The following FABP7 variants were observed in gnomAD, a reference collection of about 807,000 sequenced individuals.
FABP7 encodes the protein fatty acid binding protein 7, also known as fatty acid-binding protein, brain.
Under a neutral mutation model 14.2 loss-of-function variants are expected in FABP7, and 13 were observed. That is an observed-to-expected ratio of 0.91 (90% CI 0.59 to 1.45). FABP7 has a LOEUF of 1.45. Among genes scored for constraint, FABP7 ranks in the 40% most tolerant of loss-of-function variants. The probability of loss-of-function intolerance (pLI) is 0.00; values close to 1 mark genes in which losing one functional copy is unlikely to be tolerated. For missense variants in FABP7, 149 were observed against 157.6 expected (o/e 0.95, Z 0.29); for synonymous variants, 49 against 51.4 (o/e 0.95, Z 0.20).
the FABP7 span, among the ~76,000 whole-genome samples, chr6:122,756,017 A>C: frequency 6.6e-6 from 1 of 152,114 alleles, no homozygotes. Context: ...GAGTCAACAC[A>C]CTTGTGGGTA....
At chr6:122,768,244 G>A in the FABP7 span, among the ~76,000 whole-genome samples, 2 of 152,086 alleles carry the variant, frequency 1.3e-5, 1 homozygote, top group South Asian at 4.1e-4. Flanking sequence ...TGATCCACTG[G>A]TGAGAGTATA....
chr6:122,764,612 AT>A, the FABP7 span, among the ~76,000 whole-genome samples: 3 of 152,120 alleles, frequency 2.0e-5, no homozygotes, highest in Non-Finnish European at 4.4e-5. Flanking sequence ...TTTATGACCC[AT>A]CCCCTTTTTG....
chr6:122,771,338 AG>A, the FABP7 span, among the ~76,000 whole-genome samples: 1 of 152,168 alleles, frequency 6.6e-6, no homozygotes, highest in Non-Finnish European at 1.5e-5. Context: ...AAAAATAGCT[AG>A]GGTGGTTTCT....
the FABP7 span, among the ~76,000 whole-genome samples, chr6:122,758,581 A>C: frequency 6.6e-6 from 1 of 152,214 alleles, no homozygotes; most frequent in Admixed American, 6.5e-5. Context: ...AAAAATCGCT[A>C]AGAAAGTTCA....
chr6:122,775,280 A>G (rs1483941788), upstream of FABP7, among the ~76,000 whole-genome samples: 1 of 152,176 alleles, frequency 6.6e-6, no homozygotes, highest in Non-Finnish European at 1.5e-5. Flanking sequence ...AAGCTATAGT[A>G]ACAAAAAGTG....
chr6:122,764,375 C>G, the FABP7 span, among the ~76,000 whole-genome samples: 1 of 151,900 alleles, frequency 6.6e-6, no homozygotes, highest in Admixed American at 6.6e-5. Context: ...ACATCACACA[C>G]CAGGGCCTGT....
the FABP7 span, among the ~76,000 whole-genome samples, chr6:122,763,334 A>C: frequency 6.6e-6 from 1 of 152,232 alleles, no homozygotes; most frequent in African/African-American, 2.4e-5. Context: ...CTGGCTAGCC[A>C]TATGTAGAAA....
the FABP7 span, among the ~76,000 whole-genome samples, chr6:122,771,973 AAT>A: frequency 3.3e-5 from 5 of 152,370 alleles, no homozygotes; most frequent in Non-Finnish European, 7.3e-5. Flanking sequence ...TGCATAATAA[AAT>A]AGATGTTTCA....
At chr6:122,760,483 T>A in the FABP7 span, among the ~76,000 whole-genome samples, 1 of 152,114 alleles carries the variant, frequency 6.6e-6, no homozygotes, top group Non-Finnish European at 1.5e-5. Context: ...GTTGTTTTTT[T>A]AAGTTCTACC....
the FABP7 span, among the ~76,000 whole-genome samples, chr6:122,749,285 G>A: frequency 6.6e-6 from 1 of 151,698 alleles, no homozygotes; most frequent in Admixed American, 6.6e-5. Flanking sequence ...TGCAACTGAA[G>A]GAGAAGGATT....
upstream of FABP7, among the ~76,000 whole-genome samples, chr6:122,775,021 A>G (rs1448221805): frequency 3.9e-5 from 6 of 152,100 alleles, no homozygotes; most frequent in Non-Finnish European, 8.8e-5. Flanking sequence ...ACACACAAAA[A>G]GGAAAGATAT....
At chr6:122,766,876 A>G in the FABP7 span, among the ~76,000 whole-genome samples, 1 of 152,112 alleles carries the variant, frequency 6.6e-6, no homozygotes, top group African/African-American at 2.4e-5. Flanking sequence ...ACATTGAAAA[A>G]TATTCTACAA....
At chr6:122,768,220 A>T in the FABP7 span, among the ~76,000 whole-genome samples, 2 of 151,932 alleles carry the variant, frequency 1.3e-5, no homozygotes, top group Admixed American at 6.6e-5. Context: ...AATATTAAGC[A>T]TTGGGGAATA....
chr6:122,750,633 T>A, the FABP7 span, among the ~76,000 whole-genome samples: 1 of 152,210 alleles, frequency 6.6e-6, no homozygotes, highest in South Asian at 2.1e-4. Flanking sequence ...ATAAGACATA[T>A]GTTTAATGGT....
chr6:122,768,412 C>A, the FABP7 span, among the ~76,000 whole-genome samples: 8 of 152,000 alleles, frequency 5.3e-5, no homozygotes, highest in Non-Finnish European at 1.0e-4. Context: ...TATTACATAA[C>A]AATGTAAAAC....
the FABP7 span, among the ~76,000 whole-genome samples, chr6:122,751,484 A>AAGCTTT: frequency 1.3e-5 from 2 of 152,216 alleles, no homozygotes; most frequent in Admixed American, 6.5e-5. Flanking sequence ...GTCTTCCTTT[A>AAGCTTT]AAGCTTCCAC....
the FABP7 span, among the ~76,000 whole-genome samples, chr6:122,753,008 A>G: frequency 6.6e-6 from 1 of 152,182 alleles, no homozygotes; most frequent in East Asian, 1.9e-4. Context: ...CCATTTTCAT[A>G]AAGGCAAAGC....
chr6:122,753,141 T>C, the FABP7 span, among the ~76,000 whole-genome samples: 1 of 152,212 alleles, frequency 6.6e-6, no homozygotes, highest in Admixed American at 6.5e-5. Flanking sequence ...AAAAACAAGA[T>C]CTGTCTCCCA....
chr6:122,777,832 G>A (rs1780701300), upstream of FABP7, among the ~76,000 whole-genome samples: 2 of 61,730 alleles, frequency 3.2e-5, no homozygotes, highest in South Asian at 1.3e-3. Flanking sequence ...GAGAGAGCAA[G>A]ACCCTTTCTC....
Sources: gnomAD v4.1 joint callset for allele counts (sites outside exome capture counted in the v4.1 genomes callset) on GRCh38, gnomAD v4.1.1 for gene constraint, MANE v1.5 for transcripts, NCBI Gene and HGNC (gene_info 2026-07-23, HGNC 2026-07-21) for gene names.